SGK3: variants seen among roughly 807,000 people sequenced by gnomAD.
SGK3 encodes serine/threonine-protein kinase Sgk3.
Under a neutral mutation model 68.5 loss-of-function variants are expected in SGK3, and 47 were observed. The ratio of observed to expected loss-of-function variants is 0.69; its 90% CI spans 0.54 to 0.87. The LOEUF (loss-of-function observed/expected upper bound fraction) is 0.87. Ranked by LOEUF, SGK3 falls within the 40% of genes least tolerant of loss-of-function variation. The probability of loss-of-function intolerance (pLI) is 0.00; values close to 1 mark genes in which losing one functional copy is unlikely to be tolerated. For synonymous variants in SGK3, 181 were observed against 189.1 expected, an observed-to-expected ratio of 0.96 and a Z score of 0.35; for missense variants, 479 against 575.5, an observed-to-expected ratio of 0.83 and a Z score of 1.72.
chr8:66,731,073 A>G (rs1805137106), intron 1 of SGK3, among the ~76,000 whole-genome samples: 1 of 152,172 alleles, frequency 6.6e-6, no homozygotes, highest in African/African-American at 2.4e-5. Flanking sequence ...CATATTTGTG[A>G]ATTTACCAGA....
At chr8:66,780,230 G>C (rs922198598) in intron 1 of SGK3, among the ~76,000 whole-genome samples, 21 of 152,148 alleles carry the variant, frequency 1.4e-4, no homozygotes, top group Non-Finnish European at 5.9e-5. Context: ...GGAATAATGA[G>C]GCATTGGTCA....
intron 1 of SGK3, among the ~76,000 whole-genome samples, chr8:66,748,595 C>A (rs548016110): frequency 2.0e-5 from 3 of 152,252 alleles, no homozygotes; most frequent in African/African-American, 4.8e-5. Context: ...GACCTGACCT[C>A]GTGCTCATTT....
intron 1 of SGK3, among the ~76,000 whole-genome samples, chr8:66,744,519 A>ATATATAT (rs1563605717): frequency 9.4e-5 from 2 of 21,272 alleles, no homozygotes; most frequent in African/African-American, 1.7e-4. Flanking sequence ...ATATATATAT[A>ATATATAT]TTTTTTTTTT....
intron 1 of SGK3, among the ~76,000 whole-genome samples, chr8:66,757,905 A>C (rs906760426): frequency 5.5e-5 from 8 of 146,116 alleles, no homozygotes; most frequent in African/African-American, 2.0e-4. Context: ...ACAGAGTAAG[A>C]CTCCAGCTTA....
At chr8:66,793,064 T>C (rs1225254484) in intron 1 of SGK3, among the ~76,000 whole-genome samples, 1 of 152,214 alleles carries the variant, frequency 6.6e-6, no homozygotes, top group Non-Finnish European at 1.5e-5. Context: ...AGATCTACTG[T>C]AGTGTCTCTG....
chr8:66,740,065 A>G (rs191705005), intron 1 of SGK3, among the ~76,000 whole-genome samples: 112 of 152,306 alleles, frequency 7.4e-4, no homozygotes, highest in Non-Finnish European at 7.5e-4. Flanking sequence ...TTAAATTTCC[A>G]TATAAATTTT....
In SGK3 at chr8:66,839,991, C is replaced by A. The variant is rs1809734141; in HGVS notation, c.742-12C>A. ...ATTCTCTCTCCCCCCACCCCCACAA[C>A]CAATTTGACAGCTTTTTTTCCACTT... On this transcript the variant is annotated splice_polypyrimidine_tract_variant and intron_variant, in intron 10 of 16. Coordinates refer to ENST00000521198, the MANE Select transcript of SGK3 (RefSeq NM_001033578.3). The A allele has an allele frequency of 1.9e-6, 3 of 1,612,220 alleles. No homozygotes were observed. The highest frequency in any genetic ancestry group is 2.7e-5 in the African/African-American group (2 of 74,774).
chr8:66,778,420 C>T (rs1210158812), intron 1 of SGK3, among the ~76,000 whole-genome samples: 1 of 152,186 alleles, frequency 6.6e-6, no homozygotes, highest in Admixed American at 6.5e-5. Flanking sequence ...CCTCAGAATC[C>T]GGAGTAGCTG....
chr8:66,761,218 G>A (rs1351725567), intron 1 of SGK3, among the ~76,000 whole-genome samples: 3 of 152,062 alleles, frequency 2.0e-5, no homozygotes, highest in Non-Finnish European at 2.9e-5. Context: ...CAATCCTCCT[G>A]CTTCAGGTTT....
intron 8 of SGK3, among the ~76,000 whole-genome samples, chr8:66,833,251 C>T (rs887968841): frequency 1.3e-5 from 2 of 152,194 alleles, no homozygotes; most frequent in Non-Finnish European, 2.9e-5. Flanking sequence ...AGTGATCTGC[C>T]TGCCTCGGCC....
rs549073361 is a variant in SGK3 at position 66,747,360 on chromosome 8, G to C, written c.-122+34527G>C. On this transcript the variant is annotated intron_variant, in intron 1 of 16. Transcript: ENST00000521198. ...AAACTTGTGTCAAATTTCTTACCAA[G>C]TAATTACTTAGAATAAAAGACTATC... Among the ~76,000 whole-genome samples the C allele has an allele frequency of 5.9e-5, 9 of 152,224 alleles. No individual in the cohort carries two copies. In the South Asian group the frequency reaches 1.7e-3, roughly 28 times the overall value.
chr8:66,767,700 G>GT lies in SGK3; in HGVS notation c.-121-25910dup, dbSNP rs758626573. ...AGCCATCATCTGAGGCAGGAACAGAGTTTTTTGCTTTAACAGTCTTCTCAG... is the reference window on the plus strand; with the variant it reads ...AGCCATCATCTGAGGCAGGAACAGAGTTTTTTTGCTTTAACAGTCTTCTCAG... On this transcript the variant is annotated intron_variant, in intron 1 of 16. Coordinates refer to ENST00000521198, the MANE Select transcript of SGK3 (RefSeq NM_001033578.3). The GT allele has an allele frequency of 2.1e-6, 3 of 1,456,138 alleles. No homozygotes were observed. The East Asian group carries it at 6.8e-5, about 33-fold the overall frequency. The allele number at this position is 1,456,138 out of a possible 1,614,324, so 90.2% of individuals were successfully genotyped here. A position where few individuals can be genotyped will look rare whatever the true frequency, so the allele number is the denominator to read the frequency against.
intron 1 of SGK3, among the ~76,000 whole-genome samples, chr8:66,779,790 G>A (rs1806902032): frequency 6.6e-6 from 1 of 150,806 alleles, no homozygotes; most frequent in African/African-American, 2.4e-5. Context: ...TTGAAATTAA[G>A]TAGTATAATT....
intron 1 of SGK3, among the ~76,000 whole-genome samples, chr8:66,770,234 G>A (rs542209129): frequency 1.3e-5 from 2 of 152,198 alleles, no homozygotes; most frequent in Non-Finnish European, 2.9e-5. Flanking sequence ...GATTACAGGC[G>A]TGAGCCACCG....
chr8:66,824,357 G>A (rs1191685665), intron 6 of SGK3, among the ~76,000 whole-genome samples: 1 of 152,012 alleles, frequency 6.6e-6, no homozygotes, highest in African/African-American at 2.4e-5. Flanking sequence ...AAAGGAAATG[G>A]GGCATGAAGG....
chr8:66,831,456 C>T, intron 8 of SGK3, 145 bp downstream of exon 8: 1 of 953,546 alleles, frequency 1.0e-6, no homozygotes, highest in East Asian at 2.5e-5. Flanking sequence ...CCTCCCACCT[C>T]AGCCTCCCGA....
chr8:66,740,686 C>T (rs1805452307), intron 1 of SGK3, among the ~76,000 whole-genome samples: 1 of 152,122 alleles, frequency 6.6e-6, no homozygotes, highest in South Asian at 2.1e-4. Flanking sequence ...GTGGGTGGAT[C>T]ACCTGAGGTC....
At chr8:66,735,366 C>T (rs771070169) in intron 1 of SGK3, among the ~76,000 whole-genome samples, 2 of 152,164 alleles carry the variant, frequency 1.3e-5, no homozygotes, top group Non-Finnish European at 2.9e-5. Flanking sequence ...ATCTATCAGG[C>T]GTATAGCTCT....
intron 1 of SGK3, among the ~76,000 whole-genome samples, chr8:66,785,908 T>C (rs1807179742): frequency 6.6e-6 from 1 of 152,228 alleles, no homozygotes; most frequent in East Asian, 1.9e-4. Flanking sequence ...ATCTTCTGAC[T>C]GTCTAGCAGA....
Sources: gnomAD v4.1 joint callset for allele counts (sites outside exome capture counted in the v4.1 genomes callset) on GRCh38, gnomAD v4.1.1 for gene constraint, MANE v1.5 for transcripts, NCBI Gene and HGNC (gene_info 2026-07-23, HGNC 2026-07-21) for gene names.